Variants in CDKL5 observed in about 807,000 individuals in gnomAD.
CDKL5 encodes cyclin dependent kinase like 5.
In CDKL5, 8 loss-of-function variants were observed where a neutral mutation model predicts 61.7. The observed-to-expected ratio is 0.13, with a 90% CI of 0.08 to 0.23. CDKL5 has a LOEUF of 0.23. Among genes scored for constraint, CDKL5 ranks in the 10% least tolerant of loss-of-function variants. CDKL5 has a pLI of 1.00. For missense variants in CDKL5, 440 were observed against 734.5 expected (o/e 0.60, Z 4.63); for synonymous variants, 275 against 272.3 (o/e 1.01, Z -0.10).
At position 18,638,334 on chromosome X, in the gene CDKL5, G is replaced by A. The variant is rs773969755; in HGVS notation, c.*9577G>A. 3 of 111,561 alleles carry A rather than the reference G, an allele frequency of 2.7e-5. No individual in the cohort carries two copies. Among genetic ancestry groups the A allele is most frequent in the Non-Finnish European group, 5.6e-5 (3 of 53,117 alleles). The allele number at this position is 111,561 out of a possible 1,213,427, so 9.2% of individuals were successfully genotyped here. A position where few individuals can be genotyped will look rare whatever the true frequency, so the allele number is the denominator to read the frequency against. ...CTGCAAATGTTGTGTATATTTTACC[G>A]CAATTTTTAAACAAACTCCAGTGTA... On this transcript the variant is annotated 3_prime_UTR_variant, in exon 18 of 18. Coordinates refer to ENST00000623535, the MANE Select transcript of CDKL5 (RefSeq NM_001323289.2).
At position 18,633,121 on chromosome X, in the gene CDKL5, G is replaced by A. The variant is rs1927280791; in HGVS notation, c.*4364G>A. ...CTCTGCTGGTCAGAACATGTTTCCTGGAGAGCATTGCTTTTCTATCTAGAA... is the reference window on the plus strand; with the variant it reads ...CTCTGCTGGTCAGAACATGTTTCCTAGAGAGCATTGCTTTTCTATCTAGAA... On this transcript the variant is annotated 3_prime_UTR_variant, in exon 18 of 18. Transcript: ENST00000623535. 5 of 752,372 alleles carry A rather than the reference G, an allele frequency of 6.6e-6. No individual in the cohort carries two copies. Among genetic ancestry groups the A allele is most frequent in the Middle Eastern group, 7.6e-4 (1 of 1,322 alleles). The allele number at this position is 752,372 out of a possible 1,213,427, so 62.0% of individuals were successfully genotyped here. A position where few individuals can be genotyped will look rare whatever the true frequency, so the allele number is the denominator to read the frequency against.
At chrX:18,439,250 G>T (rs1931682896) in intron 1 of CDKL5, among the ~76,000 whole-genome samples, 1 of 109,869 alleles carries the variant, frequency 9.1e-6, no homozygotes, top group Non-Finnish European at 1.9e-5. Context: ...TCTCTGTGGG[G>T]CTCCAGAATC....
At position 18,526,322 on chromosome X, in the gene CDKL5, C is replaced by T. The variant is rs180723720; in HGVS notation, c.99+15468C>T. ...ACCTTGCTGTAATTGTTTAGTAGTTCCAGGTTTTTCTTTTTCTTTTTTTTG... is the reference window on the plus strand; with the variant it reads ...ACCTTGCTGTAATTGTTTAGTAGTTTCAGGTTTTTCTTTTTCTTTTTTTTG... On this transcript the variant is annotated intron_variant, in intron 3 of 17. Coordinates refer to ENST00000623535, the MANE Select transcript of CDKL5 (RefSeq NM_001323289.2). Among the ~76,000 whole-genome samples, 544 of 111,993 alleles carry T rather than the reference C, an allele frequency of 4.9e-3. 3 individuals carry two copies. Among genetic ancestry groups the T allele is most frequent in the Middle Eastern group, 9.4e-3 (2 of 213 alleles).
At chrX:18,589,338 T>C (rs1925750186) in intron 9 of CDKL5, 1 of 110,244 alleles carries the variant, frequency 9.1e-6, no homozygotes, top group Non-Finnish European at 1.9e-5. Context: ...CCCCATCCTG[T>C]GTCCAAGTGT....
rs1191291265 is a variant in CDKL5 at position 18,636,785 on chromosome X, T to C, written c.*8028T>C. ...GCTATCTACACTGATGGAATAAGTA[T>C]ACTAATTAGAGCAGGTAACAAGTCC... On this transcript the variant is annotated 3_prime_UTR_variant, in exon 18 of 18. Coordinates refer to ENST00000623535, the MANE Select transcript of CDKL5 (RefSeq NM_001323289.2). 1 of 112,396 alleles carries C rather than the reference T, an allele frequency of 8.9e-6. No individual in the cohort carries two copies. The highest frequency in any genetic ancestry group is 1.9e-5 in the Non-Finnish European group (1 of 53,323). 9.3% of individuals were successfully genotyped at this position (112,396 alleles called of 1,213,427 possible). A position where few individuals can be genotyped will look rare whatever the true frequency, so the allele number is the denominator to read the frequency against.
intron 3 of CDKL5, among the ~76,000 whole-genome samples, chrX:18,522,247 T>A (rs746526978): frequency 8.7e-4 from 96 of 110,484 alleles, no homozygotes; most frequent in South Asian, 1.9e-3. Flanking sequence ...TTTTACCTCA[T>A]TGGTTAGATT....
At chrX:18,449,206 C>T (rs1163956198) in intron 1 of CDKL5, among the ~76,000 whole-genome samples, 1 of 112,279 alleles carries the variant, frequency 8.9e-6, no homozygotes, top group African/African-American at 3.2e-5. Flanking sequence ...TGCTTCAGTG[C>T]TCCTTGGAAT....
intron 1 of CDKL5, among the ~76,000 whole-genome samples, chrX:18,496,891 A>G (rs1922194021): frequency 9.0e-6 from 1 of 110,527 alleles, no homozygotes; most frequent in Non-Finnish European, 1.9e-5. Context: ...ATAACGAGGT[A>G]TGTCTGACCT....
chrX:18,567,495 A>G (rs981549101), intron 4 of CDKL5, among the ~76,000 whole-genome samples: 8 of 111,830 alleles, frequency 7.2e-5, no homozygotes, highest in African/African-American at 2.6e-4. Context: ...ACTTGGTCTG[A>G]GCCATGTTCA....
rs1326292288 is a variant in CDKL5, at chrX:18,609,484, C to G, written c.2066C>G (p.Pro689Arg). 8.3e-7 allele frequency: 1 copy of G among 1,209,906 alleles called. No homozygotes were observed. The highest frequency in any genetic ancestry group is 1.1e-6 in the Non-Finnish European group (1 of 895,188). ...CCTCAGGGTGGAGTGTATCATGACC[C>G]ACACTCTGATGATGGCACAGCCCCC... ...QKSEGGVYHD[P>R]HSDDGTAPKE... is the part of the protein sequence containing the mutation. The change falls in exon 14 of 18, where the codon CCA (proline) becomes CGA (arginine). Residue 689 changes from proline (P) to arginine (R), a missense_variant. Pro to Arg is a moderately radical substitution (Grantham distance 103). Transcript: ENST00000623535.
At chrX:18,435,408 C>T (rs1020796259) in intron 1 of CDKL5, among the ~76,000 whole-genome samples, 2 of 111,920 alleles carry the variant, frequency 1.8e-5, no homozygotes, top group South Asian at 7.4e-4. Context: ...TTATTTTATA[C>T]TTTATCAATT....
In CDKL5 at chrX:18,580,040, G is replaced by A. The variant is rs746528851; in HGVS notation, c.403+72G>A. On this transcript the variant is annotated intron_variant, in intron 6 of 17. Transcript: ENST00000623535. ...AGTTAAGAGTATTTCACATGTTACT[G>A]TCTTTAAGAATATTTTCATAAGCAT... 1.1e-5 allele frequency: 10 copies of A among 899,893 alleles called. No individual in the cohort carries two copies. The South Asian group carries it at 1.9e-4, about 17-fold the overall frequency. 74.2% of individuals were successfully genotyped at this position (899,893 alleles called of 1,213,427 possible). A position where few individuals can be genotyped will look rare whatever the true frequency, so the allele number is the denominator to read the frequency against.
intron 3 of CDKL5, among the ~76,000 whole-genome samples, chrX:18,512,883 T>A (rs927062558): frequency 2.7e-5 from 3 of 111,322 alleles, no homozygotes; most frequent in Non-Finnish European, 3.8e-5. Context: ...TAAGTTAAAT[T>A]TGACTTTTTC....
intron 3 of CDKL5, among the ~76,000 whole-genome samples, chrX:18,546,874 C>G (rs988647850): frequency 9.0e-6 from 1 of 111,178 alleles, no homozygotes; most frequent in African/African-American, 3.3e-5. Context: ...GTACACAAAA[C>G]AAGCTGGGGG....
chrX:18,588,928 A>C (rs1925731856), intron 9 of CDKL5: 1 of 108,800 alleles, frequency 9.2e-6, no homozygotes, highest in African/African-American at 3.4e-5. Flanking sequence ...AAAAAAACAA[A>C]AACAAAAAAA....
chrX:18,429,399 C>T (rs940825226), intron 1 of CDKL5, among the ~76,000 whole-genome samples: 1 of 111,336 alleles, frequency 9.0e-6, no homozygotes, highest in Admixed American at 9.7e-5. Context: ...TACTGCATGC[C>T]AGACACTGTG....
At chrX:18,622,821 T>C (rs1926929376) in intron 16 of CDKL5, among the ~76,000 whole-genome samples, 1 of 111,862 alleles carries the variant, frequency 8.9e-6, no homozygotes, top group Admixed American at 9.5e-5. Flanking sequence ...GACCCGCCTC[T>C]GTGGGGAGCC....
At chrX:18,478,311 G>A (rs1372435608) in intron 1 of CDKL5, among the ~76,000 whole-genome samples, 2 of 90,206 alleles carry the variant, frequency 2.2e-5, no homozygotes, top group Admixed American at 2.7e-4. Flanking sequence ...TTTTGAGATG[G>A]AGTCTCACTC....
intron 3 of CDKL5, among the ~76,000 whole-genome samples, chrX:18,550,368 T>C (rs1404174329): frequency 9.0e-6 from 1 of 111,519 alleles, no homozygotes; most frequent in Non-Finnish European, 1.9e-5. Context: ...GCCATCTTGG[T>C]AGAAGCAGGG....
Sources: allele counts gnomAD v4.1 joint callset (sites outside exome capture counted in the v4.1 genomes callset), GRCh38; gene constraint gnomAD v4.1.1; transcripts MANE v1.5; gene names NCBI Gene and HGNC (gene_info 2026-07-23, HGNC 2026-07-21).